The following SRGAP1 variants were observed in gnomAD, a reference collection of about 807,000 sequenced individuals.
The protein encoded by SRGAP1 is SLIT-ROBO Rho GTPase activating protein 1.
A neutral mutation model predicts 121.9 loss-of-function variants in SRGAP1; 43 were observed. The ratio of observed to expected loss-of-function variants is 0.35; its 90% CI spans 0.28 to 0.46. SRGAP1 has a LOEUF of 0.46. Among genes scored for constraint, SRGAP1 ranks in the 20% least tolerant of loss-of-function variants. The pLI is 1.00. For missense variants in SRGAP1, 1,102 were observed against 1,350.9 expected (o/e 0.82, Z 2.89); for synonymous variants, 447 against 485.4 (o/e 0.92, Z 1.04).
intron 1 of SRGAP1, among the ~76,000 whole-genome samples, chr12:63,972,993 A>G (rs1308854464): frequency 1.3e-5 from 2 of 151,934 alleles, no homozygotes; most frequent in Non-Finnish European, 2.9e-5. Flanking sequence ...CTAAAAATAC[A>G]AAAATTAGCC....
At chr12:64,058,019 A>T (rs535095864) in intron 6 of SRGAP1, among the ~76,000 whole-genome samples, 1 of 152,206 alleles carries the variant, frequency 6.6e-6, no homozygotes, top group African/African-American at 2.4e-5. Context: ...ACTAGGGCTC[A>T]TATCATGGAG....
chr12:64,111,834 G>T lies in SRGAP1; in HGVS notation c.1992G>T (p.Met664Ile). The change falls in exon 17 of 22, where the codon ATG becomes ATT. Residue 664 changes from methionine to isoleucine, a missense_variant. Around this residue, in one of 3 missense-constraint regions of SRGAP1, gnomAD observed 747 missense variants for 929.4 expected, o/e 0.80. Coordinates refer to ENST00000355086, the MANE Select transcript of SRGAP1 (RefSeq NM_020762.4). ...CCATTTGCTTTGGCCCAACATTGATGCCTGTCCCAGAAATACAGGATCAAG... is the reference window on the plus strand; with the variant it reads ...CCATTTGCTTTGGCCCAACATTGATTCCTGTCCCAGAAATACAGGATCAAG... Reference protein sequence around the residue: ...NLAICFGPTLMPVPEIQDQVS... With the variant: ...NLAICFGPTLIPVPEIQDQVS... 6.2e-7 allele frequency: 1 copy of T among 1,613,998 alleles called. No individual in the cohort carries two copies. The highest frequency in any genetic ancestry group is 8.5e-7 in the Non-Finnish European group (1 of 1,179,978).
intron 8 of SRGAP1, among the ~76,000 whole-genome samples, chr12:64,068,197 T>G (rs1478094615): frequency 2.7e-5 from 4 of 146,070 alleles, no homozygotes; most frequent in African/African-American, 1.0e-4. Flanking sequence ...GAGAATCACT[T>G]GAACCCGGGA....
At chr12:63,970,755 C>T (rs1258585851) in intron 1 of SRGAP1, among the ~76,000 whole-genome samples, 1 of 152,102 alleles carries the variant, frequency 6.6e-6, no homozygotes, top group African/African-American at 2.4e-5. Context: ...AAAATTAACA[C>T]AAAACAATGT....
At chr12:63,924,650 G>A (rs1049605498) in intron 1 of SRGAP1, among the ~76,000 whole-genome samples, 3 of 152,136 alleles carry the variant, frequency 2.0e-5, no homozygotes, top group East Asian at 3.9e-4. Flanking sequence ...AGGGGTTTCC[G>A]TGACTTTTTG....
intron 3 of SRGAP1, among the ~76,000 whole-genome samples, chr12:63,991,861 T>C (rs2033564083): frequency 6.6e-6 from 1 of 152,196 alleles, no homozygotes. Flanking sequence ...TTAAAATGCC[T>C]GGCTAGGGGA....
chr12:63,902,585 A>G (rs1433981847), intron 1 of SRGAP1, among the ~76,000 whole-genome samples: 2 of 152,252 alleles, frequency 1.3e-5, no homozygotes, highest in Non-Finnish European at 2.9e-5. Flanking sequence ...ATGATGGACT[A>G]GATTTGGTTA....
chr12:64,018,848 A>T (rs949107848), intron 4 of SRGAP1, among the ~76,000 whole-genome samples: 2 of 152,186 alleles, frequency 1.3e-5, no homozygotes, highest in African/African-American at 2.4e-5. Flanking sequence ...GGTATCAACC[A>T]TTTCTAGAAG....
At chr12:64,120,852 G>C (rs1310417277) in intron 18 of SRGAP1, among the ~76,000 whole-genome samples, 1 of 152,006 alleles carries the variant, frequency 6.6e-6, no homozygotes, top group African/African-American at 2.4e-5. Flanking sequence ...TTCCATTTTG[G>C]TCTTTAGTAT....
intron 19 of SRGAP1, among the ~76,000 whole-genome samples, chr12:64,126,927 A>G (rs1332643552): frequency 6.6e-6 from 1 of 152,234 alleles, no homozygotes; most frequent in Non-Finnish European, 1.5e-5. Context: ...GACCACATAT[A>G]TGATGGTGGT....
chr12:63,877,444 T>G (rs763123012), intron 1 of SRGAP1, among the ~76,000 whole-genome samples: 5 of 152,138 alleles, frequency 3.3e-5, no homozygotes, highest in Non-Finnish European at 7.3e-5. Context: ...CAATTCACAT[T>G]AGAACCAAAA....
At chr12:63,950,790 C>CACATCAAACATT (rs2032261924) in intron 1 of SRGAP1, among the ~76,000 whole-genome samples, 1 of 152,132 alleles carries the variant, frequency 6.6e-6, no homozygotes, top group Non-Finnish European at 1.5e-5. Context: ...GAAGCCTTGC[C>CACATCAAACATT]TGGCATTGAT....
chr12:64,101,184 A>G (rs914734560), intron 15 of SRGAP1, among the ~76,000 whole-genome samples: 1 of 152,168 alleles, frequency 6.6e-6, no homozygotes, highest in African/African-American at 2.4e-5. Flanking sequence ...CCATTAAAGT[A>G]ATTTCACATG....
intron 1 of SRGAP1, among the ~76,000 whole-genome samples, chr12:63,862,018 G>A (rs1899471668): frequency 6.6e-6 from 1 of 152,140 alleles, no homozygotes; most frequent in Admixed American, 6.5e-5. Flanking sequence ...CTACTCAGGA[G>A]GCTGAGGCAG....
intron 4 of SRGAP1, among the ~76,000 whole-genome samples, chr12:64,024,718 C>A (rs569968127): frequency 2.0e-5 from 3 of 152,280 alleles, no homozygotes; most frequent in Non-Finnish European, 2.9e-5. Flanking sequence ...ATTGACTCAG[C>A]TCCCCATGGT....
At chr12:63,949,255 T>G (rs2032200433) in intron 1 of SRGAP1, among the ~76,000 whole-genome samples, 1 of 146,358 alleles carries the variant, frequency 6.8e-6, no homozygotes, top group Non-Finnish European at 1.5e-5. Context: ...ATATCTCTGG[T>G]ACAAATGAAG....
chr12:64,080,705 T>G (rs1390155671), intron 10 of SRGAP1: 5 of 384,296 alleles, frequency 1.3e-5, no homozygotes, highest in Non-Finnish European at 2.4e-5. Context: ...CCCCAGTCTC[T>G]TCTTCCTTCC....
chr12:64,123,220 G>A (rs1027691768), intron 18 of SRGAP1, among the ~76,000 whole-genome samples: 16 of 152,238 alleles, frequency 1.1e-4, no homozygotes, highest in African/African-American at 2.9e-4. Context: ...AGCATGCCAC[G>A]TCTGTAGTCC....
rs2031841506 is a variant in SRGAP1, at chr12:63,940,881, A to T, written c.68-43066A>T. The stretch of plus-strand genomic sequence containing the variant: ...TGCATCATCGGCATATGGACAGTGG[A>T]GGCCGCCTAAAAACAACTAGCCGCT... On this transcript the variant is annotated intron_variant, in intron 1 of 21. Transcript: ENST00000355086. Among the ~76,000 whole-genome samples the T allele has an allele frequency of 2.6e-5, 4 of 152,270 alleles. No individual in the cohort carries two copies. The South Asian group carries it at 8.3e-4, about 32-fold the overall frequency.
Sources: gnomAD v4.1 joint callset for allele counts (sites outside exome capture counted in the v4.1 genomes callset) on GRCh38, gnomAD v4.1.1 for gene constraint, gnomAD v4.1.1 regional missense constraint, MANE v1.5 for transcripts, NCBI Gene and HGNC (gene_info 2026-07-23, HGNC 2026-07-21) for gene names.